Variants in PTPRG observed in about 807,000 individuals in gnomAD.
PTPRG encodes the protein receptor-type tyrosine-protein phosphatase gamma.
A neutral mutation model predicts 165.3 loss-of-function variants in PTPRG; 102 were observed. That is an observed-to-expected ratio of 0.62 (90% CI 0.53 to 0.73). The LOEUF is 0.73. Among genes scored for constraint, PTPRG ranks in the 30% least tolerant of loss-of-function variants. The pLI is 0.00. For missense variants in PTPRG, 1,866 were observed against 1,861.4 expected, an observed-to-expected ratio of 1.00 and a Z score of -0.05; for synonymous variants, 675 against 669.5, an observed-to-expected ratio of 1.01 and a Z score of -0.13.
intron 13 of PTPRG, among the ~76,000 whole-genome samples, chr3:62,225,083 A>G (rs893282863): frequency 2.6e-5 from 4 of 152,196 alleles, no homozygotes; most frequent in Admixed American, 2.6e-4. Context: ...GTTCAGAGCT[A>G]TTGGAAATAA....
chr3:61,638,999 T>C (rs1701993421), intron 1 of PTPRG, among the ~76,000 whole-genome samples: 1 of 152,200 alleles, frequency 6.6e-6, no homozygotes, highest in Admixed American at 6.5e-5. Flanking sequence ...GGCTGATGTT[T>C]ATAATGGTGT....
intron 9 of PTPRG, 146 bp from the exon 10 acceptor site, chr3:62,194,916 G>A: frequency 1.4e-6 from 1 of 719,388 alleles, no homozygotes; most frequent in Non-Finnish European, 2.4e-6. Flanking sequence ...GGTCCAAGCG[G>A]TCTTTCCTTC....
intron 7 of PTPRG, among the ~76,000 whole-genome samples, chr3:62,165,392 T>A (rs898855377): frequency 1.3e-5 from 2 of 152,228 alleles, no homozygotes; most frequent in African/African-American, 4.8e-5. Context: ...TCAAGTGAGT[T>A]CATATCATGA....
intron 2 of PTPRG, among the ~76,000 whole-genome samples, chr3:61,917,112 A>C (rs2107551958): frequency 6.6e-6 from 1 of 152,190 alleles, no homozygotes; most frequent in Admixed American, 6.5e-5. Flanking sequence ...GGTGGCCGCC[A>C]ATGCTTTTTG....
intron 2 of PTPRG, among the ~76,000 whole-genome samples, chr3:61,826,917 C>A (rs114117796): frequency 6.6e-6 from 1 of 150,426 alleles, no homozygotes; most frequent in African/African-American, 2.5e-5. Context: ...AATTACTATG[C>A]TTCTAGAAAT....
At chr3:61,985,426 G>C (rs1359557025) in intron 2 of PTPRG, among the ~76,000 whole-genome samples, 1 of 152,184 alleles carries the variant, frequency 6.6e-6, no homozygotes, top group African/African-American at 2.4e-5. Context: ...TTACAAGCCA[G>C]TAACAGAGGC....
At chr3:61,918,915 G>C (rs887371607) in intron 2 of PTPRG, among the ~76,000 whole-genome samples, 7 of 152,194 alleles carry the variant, frequency 4.6e-5, no homozygotes, top group African/African-American at 1.7e-4. Flanking sequence ...TCGTGGTTCT[G>C]TAAATACTCC....
intron 2 of PTPRG, among the ~76,000 whole-genome samples, chr3:61,944,587 G>A (rs948679300): frequency 2.0e-5 from 3 of 152,032 alleles, no homozygotes; most frequent in Admixed American, 6.6e-5. Flanking sequence ...AGACAGCCTC[G>A]CGCTACATGA....
At chr3:61,725,464 T>C (rs1333705996) in intron 1 of PTPRG, among the ~76,000 whole-genome samples, 1 of 152,184 alleles carries the variant, frequency 6.6e-6, no homozygotes, top group Non-Finnish European at 1.5e-5. Flanking sequence ...TTGAAAAGAC[T>C]ATCCTTCCTC....
rs1467096877 is a variant in PTPRG, at chr3:62,295,774, C to CAGTT, written c.*2469_*2472dup. The CAGTT allele has an allele frequency of 1.3e-5, 2 of 152,152 alleles. No homozygotes were observed. Among genetic ancestry groups the CAGTT allele is most frequent in the South Asian group, 2.1e-4 (1 of 4,824 alleles). 9.4% of individuals were successfully genotyped at this position (152,152 alleles called of 1,614,324 possible). On this transcript the variant is annotated 3_prime_UTR_variant, in exon 30 of 30. Coordinates refer to ENST00000474889, the MANE Select transcript of PTPRG (RefSeq NM_002841.4). Reference sequence around the variant, plus strand: ...TAGTCCAAACACACTTCAATGAGGACAGTTATATTTAGCAGGTCCTCACCC... The same window carrying CAGTT: ...TAGTCCAAACACACTTCAATGAGGACAGTTAGTTATATTTAGCAGGTCCTCACCC...
Position 62,281,426 on chromosome 3 carries a change from G to A in PTPRG, c.3766-137G>A, listed in dbSNP as rs78253487. ...ACCATTCAACTTGGTGTAGTTCGAT[G>A]GGAACATATAACTCTTATGAATTCA... is the stretch of plus-strand genomic sequence containing the variant. On this transcript the variant is annotated intron_variant, in intron 26 of 29. Coordinates refer to ENST00000474889, the MANE Select transcript of PTPRG (RefSeq NM_002841.4). 3,920 of 685,738 alleles carry A rather than the reference G, an allele frequency of 5.7e-3. 197 individuals carry two copies. In the East Asian group the frequency reaches 0.11, roughly 19 times the overall value. 42.5% of individuals were successfully genotyped at this position (685,738 alleles called of 1,614,324 possible). A position where few individuals can be genotyped will look rare whatever the true frequency, so the allele number is the denominator to read the frequency against.
chr3:62,002,417 TTGAA>T (rs201708887), intron 3 of PTPRG, among the ~76,000 whole-genome samples: 6 of 152,336 alleles, frequency 3.9e-5, no homozygotes, highest in African/African-American at 1.4e-4. Flanking sequence ...TAAGTATTTA[TTGAA>T]TGAATGAATG....
intron 1 of PTPRG, among the ~76,000 whole-genome samples, chr3:61,671,200 A>G (rs1386303874): frequency 6.9e-6 from 1 of 144,890 alleles, no homozygotes; most frequent in African/African-American, 2.6e-5. Flanking sequence ...GGGATTTGGC[A>G]GGGTCACAGG....
chr3:61,895,270 C>T (rs2038322732), intron 2 of PTPRG, among the ~76,000 whole-genome samples: 1 of 152,186 alleles, frequency 6.6e-6, no homozygotes, highest in Non-Finnish European at 1.5e-5. Flanking sequence ...GTGATTGATG[C>T]AGGGTGTTTC....
chr3:61,902,440 A>G (rs939320743), intron 2 of PTPRG, among the ~76,000 whole-genome samples: 1 of 152,180 alleles, frequency 6.6e-6, no homozygotes, highest in Non-Finnish European at 1.5e-5. Flanking sequence ...TCACCTGTGT[A>G]TTAAGATTCA....
intron 2 of PTPRG, among the ~76,000 whole-genome samples, chr3:61,908,825 G>A (rs1314982558): frequency 1.3e-5 from 2 of 152,100 alleles, no homozygotes; most frequent in African/African-American, 2.4e-5. Context: ...ATCATGTTAG[G>A]GCTTAGGCTT....
chr3:61,912,634 T>G (rs576684094), intron 2 of PTPRG, among the ~76,000 whole-genome samples: 1 of 152,262 alleles, frequency 6.6e-6, no homozygotes, highest in Non-Finnish European at 1.5e-5. Context: ...GCCTTTTTGT[T>G]TGATATTCTT....
At chr3:61,821,189 A>G (rs897391419) in intron 2 of PTPRG, among the ~76,000 whole-genome samples, 10 of 148,874 alleles carry the variant, frequency 6.7e-5, no homozygotes, top group African/African-American at 2.0e-4. Flanking sequence ...TTTTTTTTTG[A>G]GACCGAGTCT....
intron 1 of PTPRG, among the ~76,000 whole-genome samples, chr3:61,686,132 A>T (rs1246254635): frequency 6.6e-6 from 1 of 152,182 alleles, no homozygotes; most frequent in Non-Finnish European, 1.5e-5. Flanking sequence ...AGATGCATGC[A>T]TGTCCACTTG....
Sources: gnomAD v4.1 joint callset for allele counts (sites outside exome capture counted in the v4.1 genomes callset) on GRCh38, gnomAD v4.1.1 for gene constraint, MANE v1.5 for transcripts, NCBI Gene and HGNC (gene_info 2026-07-23, HGNC 2026-07-21) for gene names.